CNST: variants seen among roughly 807,000 people sequenced by gnomAD.
CNST encodes the protein consortin.
In CNST, 39 loss-of-function variants were observed where a neutral mutation model predicts 72.4. The observed-to-expected ratio is 0.54, with a 90% CI of 0.42 to 0.70. The LOEUF is 0.70. Among genes scored for constraint, CNST ranks in the 30% least tolerant of loss-of-function variants. The pLI is 0.00. For synonymous variants in CNST, 332 were observed against 320.1 expected (o/e 1.04, Z -0.40); for missense variants, 871 against 868.5 (o/e 1.00, Z -0.04).
chr1:246,612,623 G>A (rs370542246), intron 2 of CNST, among the ~76,000 whole-genome samples: 4 of 152,104 alleles, frequency 2.6e-5, no homozygotes, highest in African/African-American at 7.2e-5. Context: ...GCAGTGGTTC[G>A]ATCCAATAAT....
chr1:246,603,685 A>G (rs894785460), intron 2 of CNST, among the ~76,000 whole-genome samples: 1 of 152,194 alleles, frequency 6.6e-6, no homozygotes, highest in African/African-American at 2.4e-5. Flanking sequence ...AAAGGTGCTA[A>G]GTGAAAGAGG....
chr1:246,592,269 C>G (rs1661596078), intron 2 of CNST, among the ~76,000 whole-genome samples: 2 of 152,110 alleles, frequency 1.3e-5, no homozygotes, highest in Admixed American at 6.6e-5. Context: ...GGCGGATTAC[C>G]TGAGGTCGGG....
At chr1:246,581,955 C>T (rs1660812148) in intron 1 of CNST, among the ~76,000 whole-genome samples, 3 of 152,044 alleles carry the variant, frequency 2.0e-5, no homozygotes, top group South Asian at 4.1e-4. Flanking sequence ...TAATGGTATC[C>T]AGTATAATAT....
intron 1 of CNST, among the ~76,000 whole-genome samples, chr1:246,589,942 G>A (rs372111195): frequency 8.3e-4 from 127 of 152,208 alleles, no homozygotes; most frequent in Non-Finnish European, 1.5e-3. Flanking sequence ...CATATCCTTC[G>A]CCCACTTTTT....
intron 3 of CNST, among the ~76,000 whole-genome samples, chr1:246,625,126 AC>A (rs1664330869): frequency 6.6e-6 from 1 of 152,250 alleles, no homozygotes; most frequent in African/African-American, 2.4e-5. Context: ...GAAATGAGTC[AC>A]TGATGCAATA....
intron 9 of CNST, among the ~76,000 whole-genome samples, chr1:246,653,115 A>G (rs1303447209): frequency 6.6e-6 from 1 of 152,210 alleles, no homozygotes; most frequent in Non-Finnish European, 1.5e-5. Flanking sequence ...CTTGTATCAC[A>G]TGAAGCAAAA....
At chr1:246,615,207 G>A (rs548356154) in intron 2 of CNST, among the ~76,000 whole-genome samples, 1 of 152,036 alleles carries the variant, frequency 6.6e-6, no homozygotes, top group East Asian at 1.9e-4. Flanking sequence ...ACGGAGTCTC[G>A]CTCTGTCACC....
intron 4 of CNST, 109 bp from the exon 5 acceptor site, chr1:246,633,815 C>G (rs1389813905): frequency 1.5e-6 from 1 of 656,958 alleles, no homozygotes; most frequent in African/African-American, 1.8e-5. Flanking sequence ...AGAGTCCTCT[C>G]ATGTTTTAGT....
chr1:246,617,055 CCTG>C (rs1032622014), intron 2 of CNST, among the ~76,000 whole-genome samples: 8 of 152,120 alleles, frequency 5.3e-5, no homozygotes, highest in African/African-American at 1.7e-4. Context: ...TCTAAGTACT[CCTG>C]ATTATGCTAA....
intron 6 of CNST, among the ~76,000 whole-genome samples, 186 bp downstream of exon 6, chr1:246,634,773 G>A (rs1001424253): frequency 6.6e-5 from 10 of 152,226 alleles, no homozygotes; most frequent in Non-Finnish European, 2.9e-5. Flanking sequence ...AGCACAAGGC[G>A]GTGTGGAGCA....
intron 1 of CNST, 69 bp from the exon 2 acceptor site, chr1:246,591,443 A>G: frequency 9.0e-7 from 1 of 1,109,690 alleles, no homozygotes; most frequent in Non-Finnish European, 1.3e-6. Context: ...GAGAAGGGGA[A>G]AATCAAAGAT....
rs527697450 is a variant in CNST at position 246,567,696 on chromosome 1, A to G, written c.-52+1033A>G. On this transcript the variant is annotated intron_variant, in intron 1 of 10. Coordinates refer to ENST00000366513, the MANE Select transcript of CNST (RefSeq NM_152609.3). ...TATTATAAATTTGTTAGGACATCAT[A>G]GAAAATATCTCATCAACTGTTGTGC... 4.4e-4 allele frequency among the ~76,000 whole-genome samples: 67 copies of G among 152,360 alleles called. No homozygotes were observed. In the South Asian group the frequency reaches 4.8e-3, roughly 11 times the overall value.
At chr1:246,632,767 T>C (rs1236151658) in intron 4 of CNST, among the ~76,000 whole-genome samples, 1 of 152,204 alleles carries the variant, frequency 6.6e-6, no homozygotes, top group African/African-American at 2.4e-5. Context: ...GTGATAATAA[T>C]GGAAATCACT....
intron 3 of CNST, among the ~76,000 whole-genome samples, chr1:246,631,066 A>C (rs1435547858): frequency 6.6e-6 from 1 of 152,232 alleles, no homozygotes; most frequent in Non-Finnish European, 1.5e-5. Flanking sequence ...TTAAGAATAC[A>C]GAGTTTATGC....
intron 1 of CNST, among the ~76,000 whole-genome samples, chr1:246,579,824 C>T (rs1462554898): frequency 2.0e-5 from 3 of 152,140 alleles, no homozygotes; most frequent in Admixed American, 2.0e-4. Flanking sequence ...TAGCGGTTGA[C>T]ATCTGGAGAC....
chr1:246,585,585 G>T (rs763935861), intron 1 of CNST, among the ~76,000 whole-genome samples: 17 of 147,074 alleles, frequency 1.2e-4, no homozygotes, highest in Non-Finnish European at 2.1e-4. Context: ...GGCAGAGGTT[G>T]CAGTGAGCCA....
intron 3 of CNST, among the ~76,000 whole-genome samples, chr1:246,626,197 A>T (rs923645991): frequency 6.6e-6 from 1 of 151,628 alleles, no homozygotes; most frequent in Non-Finnish European, 1.5e-5. Flanking sequence ...CTGCAGGCGC[A>T]TGCCACCGTG....
At chr1:246,642,133 GTT>G (rs74163469) in intron 8 of CNST, 96 bp downstream of exon 8, 4,385 of 185,924 alleles carry the variant, frequency 0.024, no homozygotes, top group Non-Finnish European at 0.029. Flanking sequence ...AAAGGATCTG[GTT>G]TTTTTTTTTT....
At chr1:246,588,384 A>G (rs2103021544) in intron 1 of CNST, among the ~76,000 whole-genome samples, 1 of 152,298 alleles carries the variant, frequency 6.6e-6, no homozygotes, top group African/African-American at 2.4e-5. Flanking sequence ...ATTAATTTTA[A>G]ATAGTATCTA....
Sources: gnomAD v4.1 joint callset for allele counts (sites outside exome capture counted in the v4.1 genomes callset) on GRCh38, gnomAD v4.1.1 for gene constraint, MANE v1.5 for transcripts, NCBI Gene and HGNC (gene_info 2026-07-23, HGNC 2026-07-21) for gene names.